LTA4H: variants seen among roughly 807,000 people sequenced by gnomAD.
LTA4H encodes the protein leukotriene A4 hydrolase.
Under a neutral mutation model 89.8 loss-of-function variants are expected in LTA4H, and 59 were observed. That is an observed-to-expected ratio of 0.66 (90% CI 0.53 to 0.82). LTA4H has a LOEUF of 0.82. Among genes scored for constraint, LTA4H ranks in the 40% least tolerant of loss-of-function variants. The pLI is 0.00. For synonymous variants in LTA4H, 227 were observed against 253.1 expected (o/e 0.90, Z 0.98); for missense variants, 617 against 727.0 (o/e 0.85, Z 1.74).
At chr12:96,024,794 G>A (rs759778307) in intron 3 of LTA4H, among the ~76,000 whole-genome samples, 4 of 151,422 alleles carry the variant, frequency 2.6e-5, no homozygotes, top group Admixed American at 6.6e-5. Context: ...TCAACCTCCC[G>A]AGTAGCTGGG....
At chr12:96,035,221 G>A (rs1950625046) in intron 1 of LTA4H, 140 bp downstream of exon 1, 1 of 814,460 alleles carries the variant, frequency 1.2e-6, no homozygotes, top group Non-Finnish European at 1.9e-6. Context: ...TTGGATGGAG[G>A]CTACAGAAGA....
chr12:96,022,350 C>A lies in LTA4H; in HGVS notation c.481-99G>T. On this transcript the variant is annotated intron_variant, in intron 4 of 18. Transcript: ENST00000228740. The surrounding 1 kb of genome is among the most constrained non-coding windows in gnomAD (Gnocchi z 4.0). ...ACCTTTTCTTCCCATTCTTGACTAT[C>A]TAATAAACAGACTATGAACACAAAA... 1 of 740,054 alleles carries A rather than the reference C, an allele frequency of 1.4e-6. No homozygotes were observed. 45.8% of individuals were successfully genotyped at this position (740,054 alleles called of 1,614,324 possible).
chr12:96,024,106 T>G (rs1379756193), intron 4 of LTA4H, among the ~76,000 whole-genome samples: 2 of 151,548 alleles, frequency 1.3e-5, no homozygotes, highest in South Asian at 2.1e-4. Flanking sequence ...ATTTTTTGTG[T>G]TTTTTTTAGT....
rs750031543 is a variant in LTA4H, at chr12:96,015,028, CAT to C, written c.1060-31_1060-30del. 6.2e-6 allele frequency: 10 copies of C among 1,601,466 alleles called. No homozygotes were observed. The East Asian group carries it at 1.6e-4, about 25-fold the overall frequency. ...CAAGACATGAAATAACATGGAGAAA[CAT>C]ATAGAAAGACTGCTATCACCACGCA... is the stretch of plus-strand genomic sequence containing the variant. On this transcript the variant is annotated intron_variant, in intron 11 of 18. Coordinates refer to ENST00000228740, the MANE Select transcript of LTA4H (RefSeq NM_000895.3).
In LTA4H at chr12:96,029,096, C is replaced by T. The variant is rs1427753939; in HGVS notation, c.249G>A (p.Lys83=). The T allele has an allele frequency of 1.3e-6, 2 of 1,593,870 alleles. No homozygotes were observed. Among genetic ancestry groups the T allele is most frequent in the Non-Finnish European group, 1.7e-6 (2 of 1,169,956 alleles). Residue 83 remains lysine, a synonymous_variant, in exon 2 of 19, where the codon AAG becomes AAA. Coordinates refer to ENST00000228740, the MANE Select transcript of LTA4H (RefSeq NM_000895.3). The part of the protein sequence containing the change: ...KYALGERQSY[K]GSPMEISLPI... ...GAAGAGAGATTTCCATTGGCGATCC[C>T]TTGTAACTTTGTCTTTCTCCAAGAG...
At position 96,012,202 on chromosome 12, in the gene LTA4H, A is replaced by G. The variant is rs534575070; in HGVS notation, c.1379+986T>C. Reference sequence around the variant, plus strand: ...AAGTGCTTTACAAACAAACATGACCAGGCCTCATCTTGTTTCTTAGCTTCT... The same window carrying G: ...AAGTGCTTTACAAACAAACATGACCGGGCCTCATCTTGTTTCTTAGCTTCT... On this transcript the variant is annotated intron_variant, in intron 14 of 18. Transcript: ENST00000228740. The G allele has an allele frequency of 2.4e-4, 36 of 152,332 alleles. 1 individual carries two copies. The highest frequency in any genetic ancestry group is 8.2e-4 in the African/African-American group (34 of 41,572). 9.4% of individuals were successfully genotyped at this position (152,332 alleles called of 1,614,324 possible). A position where few individuals can be genotyped will look rare whatever the true frequency, so the allele number is the denominator to read the frequency against.
At chr12:96,009,309 A>C in intron 14 of LTA4H, 161 bp from the exon 15 acceptor site, 1 of 584,098 alleles carries the variant, frequency 1.7e-6, no homozygotes, top group Non-Finnish European at 3.0e-6. Flanking sequence ...CTTACATACT[A>C]CTGGCATCAT....
chr12:96,024,012 CT>C (rs920866328), intron 4 of LTA4H, among the ~76,000 whole-genome samples: 4 of 151,984 alleles, frequency 2.6e-5, no homozygotes, highest in African/African-American at 7.2e-5. Context: ...TCACTCCAAG[CT>C]CTGCCTCCTG....
intron 1 of LTA4H, among the ~76,000 whole-genome samples, chr12:96,029,569 C>T (rs1285842873): frequency 6.6e-6 from 1 of 152,158 alleles, no homozygotes; most frequent in Admixed American, 6.5e-5. Context: ...TATATTTCCT[C>T]CTAGAACTCA....
chr12:96,019,871 A>T (rs1950431904), intron 6 of LTA4H, among the ~76,000 whole-genome samples: 1 of 147,442 alleles, frequency 6.8e-6, no homozygotes, highest in Non-Finnish European at 1.5e-5. Context: ...AATTGCTGGG[A>T]TTACAGGCGT....
Position 96,005,269 on chromosome 12 carries a change from C to T in LTA4H, c.1530+1045G>A, listed in dbSNP as rs142836378. 1.4e-4 allele frequency among the ~76,000 whole-genome samples: 22 copies of T among 152,256 alleles called. No homozygotes were observed. In the East Asian group the frequency reaches 2.3e-3, roughly 16 times the overall value. On this transcript the variant is annotated intron_variant, in intron 16 of 18. Coordinates refer to ENST00000228740, the MANE Select transcript of LTA4H (RefSeq NM_000895.3). ...TTCACCCTGTGTAAACTCTTTCTCA[C>T]GTCCTGTTCTCTCCTCTCCCCGCAA...
At position 96,018,905 on chromosome 12, in the gene LTA4H, T is replaced by A. The variant is rs1489116510; in HGVS notation, c.712-2A>T. ...TGCTATTTTAAGCATAGATTCAGTC[T>A]GAAAAATCAACATATATATGTCTGT... On this transcript the variant is annotated splice_acceptor_variant, in intron 7 of 18. Coordinates refer to ENST00000228740, the MANE Select transcript of LTA4H (RefSeq NM_000895.3). LOFTEE classifies it high-confidence loss of function. 6.4e-7 allele frequency: 1 copy of A among 1,574,734 alleles called. No individual in the cohort carries two copies. The highest frequency in any genetic ancestry group is 8.6e-7 in the Non-Finnish European group (1 of 1,165,188).
chr12:96,029,093 T>G lies in LTA4H; in HGVS notation c.252A>C (p.Gly84=). The G allele has an allele frequency of 6.3e-7, 1 of 1,590,884 alleles. No homozygotes were observed. Among genetic ancestry groups the G allele is most frequent in the Non-Finnish European group, 8.6e-7 (1 of 1,168,700 alleles). ...TAGGAAGAGAGATTTCCATTGGCGA[T>G]CCCTTGTAACTTTGTCTTTCTCCAA... The part of the protein sequence containing the change: ...YALGERQSYK[G]SPMEISLPIA... Residue 84 remains glycine (G), a synonymous_variant, in exon 2 of 19, where the codon GGA becomes GGC. Transcript: ENST00000228740.
chr12:96,031,273 C>T (rs1592898418), intron 1 of LTA4H, among the ~76,000 whole-genome samples: 1 of 152,204 alleles, frequency 6.6e-6, no homozygotes, highest in East Asian at 1.9e-4. Context: ...AGCACTCTGC[C>T]TCAAAAACAC....
chr12:96,034,399 AG>A (rs1246615367), intron 1 of LTA4H, among the ~76,000 whole-genome samples: 1 of 152,264 alleles, frequency 6.6e-6, no homozygotes, highest in Non-Finnish European at 1.5e-5. Flanking sequence ...GTTATGATAC[AG>A]ATAAAATCAT....
At position 96,019,585 on chromosome 12, in the gene LTA4H, A is replaced by ATTTT. The variant is rs755971682; in HGVS notation, c.639-349_639-346dup. On this transcript the variant is annotated intron_variant, in intron 6 of 18. Coordinates refer to ENST00000228740, the MANE Select transcript of LTA4H (RefSeq NM_000895.3). The stretch of plus-strand genomic sequence containing the variant: ...ACCCAGTCACAACTCATAAGAAACT[A>ATTTT]TTTTTTTTTTTTTTTTTTTTTTTTG... 1.2e-3 allele frequency among the ~76,000 whole-genome samples: 121 copies of ATTTT among 99,366 alleles called. 2 individuals carry two copies. Among genetic ancestry groups the ATTTT allele is most frequent in the African/African-American group, 2.5e-3 (56 of 22,530 alleles). 65.2% of individuals were successfully genotyped at this position (99,366 alleles called of 152,430 possible).
rs750254223 is a variant in LTA4H, at chr12:96,013,852, C to T, written c.1206G>A (p.Glu402=). The T allele has an allele frequency of 7.5e-7, 1 of 1,337,672 alleles. No individual in the cohort carries two copies. Among genetic ancestry groups the T allele is most frequent in the African/African-American group, 1.5e-5 (1 of 67,608 alleles). The allele number at this position is 1,337,672 out of a possible 1,614,324, so 82.9% of individuals were successfully genotyped here. A position where few individuals can be genotyped will look rare whatever the true frequency, so the allele number is the denominator to read the frequency against. ...FYLEQLLGGP[E]IFLGFLKAYV... ...AAGCTTTTAAGAATCCTAGGAAAAT[C>T]TCTAAGAGTAAAAAAGAAAAGAAAT... Residue 402 remains glutamate, a splice_region_variant and synonymous_variant, in exon 13 of 19, where the codon GAG becomes GAA. Transcript: ENST00000228740.
At chr12:96,042,074 C>T (rs1950692117) in intron 1 of LTA4H, among the ~76,000 whole-genome samples, 1 of 147,938 alleles carries the variant, frequency 6.8e-6, no homozygotes, top group Non-Finnish European at 1.5e-5. Flanking sequence ...ACCTCTGCCT[C>T]CTGGGCGCAA....
upstream of LTA4H, among the ~76,000 whole-genome samples, chr12:96,036,048 C>T (rs1438902820): frequency 2.6e-5 from 4 of 152,156 alleles, no homozygotes; most frequent in Non-Finnish European, 4.4e-5. Context: ...GTGAGTATCC[C>T]CGCCTGTCAC....
Sources: gnomAD v4.1 joint callset for allele counts (sites outside exome capture counted in the v4.1 genomes callset) on GRCh38, gnomAD v4.1.1 for gene constraint, Gnocchi (gnomAD v3.1) non-coding constraint, MANE v1.5 for transcripts, NCBI Gene and HGNC (gene_info 2026-07-23, HGNC 2026-07-21) for gene names.